Variants in RPS6KA2 observed in about 807,000 individuals in gnomAD.
RPS6KA2 encodes the protein ribosomal protein S6 kinase A2.
A neutral mutation model predicts 91.8 loss-of-function variants in RPS6KA2; 42 were observed. The ratio of observed to expected loss-of-function variants is 0.46; its 90% CI spans 0.36 to 0.59. The LOEUF (loss-of-function observed/expected upper bound fraction) is 0.59. Ranked by LOEUF, RPS6KA2 falls within the 20% of genes least tolerant of loss-of-function variation. The pLI, the probability that RPS6KA2 is intolerant of heterozygous loss-of-function variation, is 0.00. For missense variants in RPS6KA2, 798 were observed against 978.5 expected (o/e 0.82, Z 2.46); for synonymous variants, 414 against 393.6 (o/e 1.05, Z -0.61).
At chr6:166,632,270 C>A (rs182715487) in intron 2 of RPS6KA2, among the ~76,000 whole-genome samples, 3 of 152,262 alleles carry the variant, frequency 2.0e-5, no homozygotes, top group African/African-American at 7.2e-5. Flanking sequence ...TTGTGGGAAC[C>A]CTTACATGAG....
intron 3 of RPS6KA2, among the ~76,000 whole-genome samples, chr6:166,512,660 G>A (rs573634992): frequency 5.3e-5 from 8 of 152,286 alleles, no homozygotes; most frequent in East Asian, 1.9e-4. Flanking sequence ...TGACCGTGGT[G>A]TATGGCCCTG....
At chr6:166,583,659 G>A (rs544078336) in intron 1 of RPS6KA2, among the ~76,000 whole-genome samples, 2 of 152,184 alleles carry the variant, frequency 1.3e-5, no homozygotes, top group Non-Finnish European at 2.9e-5. Flanking sequence ...ATTCCTGAGT[G>A]CTTATTAAAG....
intron 5 of RPS6KA2, among the ~76,000 whole-genome samples, chr6:166,506,105 C>T (rs970138461): frequency 2.0e-5 from 3 of 151,800 alleles, no homozygotes; most frequent in South Asian, 2.1e-4. Context: ...TGCTAAATGA[C>T]GACCCAAGGT....
In RPS6KA2 at chr6:166,538,653, CA is replaced by C. The variant is rs780467202; in HGVS notation, c.216+14del. On this transcript the variant is annotated intron_variant, in intron 2 of 20. Transcript: ENST00000265678. ...TCAGGAATGAGACTCAAGAGACAGC[CA>C]GGGCTGAACTTACCTTTCCATAGGA... 1 of 1,412,370 alleles carries C rather than the reference CA, an allele frequency of 7.1e-7. No homozygotes were observed. The highest frequency in any genetic ancestry group is 1.2e-5 in the South Asian group (1 of 86,426). 87.5% of individuals were successfully genotyped at this position (1,412,370 alleles called of 1,614,324 possible).
chr6:166,461,037 C>T (rs963568258), intron 11 of RPS6KA2, among the ~76,000 whole-genome samples: 3 of 152,006 alleles, frequency 2.0e-5, no homozygotes, highest in African/African-American at 7.2e-5. Context: ...AAACCAGGGC[C>T]CACAGCTACT....
At chr6:166,645,893 C>T (rs1261387197) in intron 2 of RPS6KA2, among the ~76,000 whole-genome samples, 1 of 152,232 alleles carries the variant, frequency 6.6e-6, no homozygotes, top group Non-Finnish European at 1.5e-5. Flanking sequence ...TCTGGAGAAA[C>T]TTGTCAGAAG....
chr6:166,454,864 GA>G (rs1348251297), intron 12 of RPS6KA2, among the ~76,000 whole-genome samples: 1 of 149,704 alleles, frequency 6.7e-6, no homozygotes, highest in Admixed American at 6.7e-5. Context: ...TTTAAAAACA[GA>G]ATAGGATAAT....
At chr6:166,617,823 C>G (rs914195524) in intron 1 of RPS6KA2, among the ~76,000 whole-genome samples, 2 of 152,282 alleles carry the variant, frequency 1.3e-5, no homozygotes, top group Non-Finnish European at 2.9e-5. Context: ...ACAGCCACAG[C>G]TGTCTGTGGC....
intron 1 of RPS6KA2, among the ~76,000 whole-genome samples, chr6:166,587,604 G>A (rs1562325894): frequency 1.3e-5 from 2 of 149,580 alleles, no homozygotes; most frequent in South Asian, 2.1e-4. Context: ...TTTCTTGAAC[G>A]AGTCTGCCCT....
intron 2 of RPS6KA2, among the ~76,000 whole-genome samples, chr6:166,826,948 G>T (rs1780061443): frequency 6.6e-6 from 1 of 152,156 alleles, no homozygotes; most frequent in African/African-American, 2.4e-5. Context: ...CTCTAGAAAG[G>T]TCAGGGTTGA....
rs904709818 is a variant in RPS6KA2, at chr6:166,841,766, C to T, written c.123+16434G>A. 1.5e-4 allele frequency among the ~76,000 whole-genome samples: 23 copies of T among 152,298 alleles called. No individual in the cohort carries two copies. In the Middle Eastern group the frequency reaches 0.01, roughly 68 times the overall value. On this transcript the variant is annotated intron_variant, in intron 2 of 21. Transcript: ENST00000503859. Reference sequence around the variant, plus strand: ...ATTCCTCCCTTTTGACATGGTATGACGGTAACACCCCGTGACCACTCTCTA... The same window carrying T: ...ATTCCTCCCTTTTGACATGGTATGATGGTAACACCCCGTGACCACTCTCTA...
At chr6:166,561,421 TC>T (rs1391718836) in intron 1 of RPS6KA2, among the ~76,000 whole-genome samples, 1 of 151,890 alleles carries the variant, frequency 6.6e-6, no homozygotes, top group African/African-American at 2.4e-5. Context: ...GCCAATGGGT[TC>T]CCTCCCTCCT....
intron 2 of RPS6KA2, among the ~76,000 whole-genome samples, chr6:166,708,613 C>A (rs1343392512): frequency 6.6e-6 from 1 of 152,228 alleles, no homozygotes; most frequent in African/African-American, 2.4e-5. Context: ...CATTCCAAGA[C>A]GTTTCGCAGG....
intron 11 of RPS6KA2, chr6:166,460,735 C>T (rs10946166): frequency 0.16 from 24,214 of 152,244 alleles, 2,111 homozygotes; most frequent in African/African-American, 0.21. Flanking sequence ...AGGGTCCCCA[C>T]GGTGTTCGCA....
intron 2 of RPS6KA2, among the ~76,000 whole-genome samples, chr6:166,851,636 A>G (rs533729052): frequency 9.9e-4 from 151 of 152,302 alleles, no homozygotes; most frequent in African/African-American, 3.3e-3. Flanking sequence ...CACGGGACAC[A>G]GTCTCCAGCC....
rs1562351325 is a variant in RPS6KA2 at position 166,626,939 on chromosome 6, G to A, written c.81C>T (p.Ser27=). 3.2e-6 allele frequency: 5 copies of A among 1,550,130 alleles called. No homozygotes were observed. The highest frequency in any genetic ancestry group is 1.8e-4 in the Middle Eastern group (1 of 5,452). Residue 27 remains serine, a synonymous_variant, in exon 1 of 21, where the codon TCC becomes TCT. Coordinates refer to ENST00000265678, the MANE Select transcript of RPS6KA2 (RefSeq NM_021135.6). The surrounding 1 kb of genome is among the most constrained non-coding windows in gnomAD (Gnocchi z 4.1). The part of the protein sequence containing the change: ...YLRRKSRSKS[S]SLSRLEEEGV... ...GCATTACCTCGAGCCGGCTCAGGCT[G>A]GAGCTCTTGGAGCGCGACTTCCTGC...
At chr6:166,673,340 C>CG (rs1788530346) in intron 2 of RPS6KA2, among the ~76,000 whole-genome samples, 1 of 152,124 alleles carries the variant, frequency 6.6e-6, no homozygotes, top group African/African-American at 2.4e-5. Flanking sequence ...GTCTTGTCCC[C>CG]CCAGAGCTGT....
chr6:166,791,770 G>A lies in RPS6KA2; in HGVS notation c.123+66430C>T, dbSNP rs1344650187. On this transcript the variant is annotated intron_variant, in intron 2 of 21. Transcript: ENST00000503859. ...CAACGTGCTCTTGAATGACCACTGG[G>A]TACATAACGAAATGAAGGCAGAAAT... 2.0e-5 allele frequency among the ~76,000 whole-genome samples: 3 copies of A among 151,448 alleles called. No homozygotes were observed. The East Asian group carries it at 5.8e-4, about 29-fold the overall frequency.
rs539350898 is a variant in RPS6KA2 at position 166,721,726 on chromosome 6, G to A, written c.123+136474C>T. Among the ~76,000 whole-genome samples the A allele has an allele frequency of 1.5e-4, 23 of 152,292 alleles. No individual in the cohort carries two copies. In the South Asian group the frequency reaches 2.5e-3, roughly 16 times the overall value. ...GGAGCATTTCACCCAGTGGGCGGGC[G>A]GCAGAGTTAGCAGAGCTGGACTTTA... On this transcript the variant is annotated intron_variant, in intron 2 of 21. Coordinates refer to the RPS6KA2 transcript ENST00000503859.
Sources: allele counts gnomAD v4.1 joint callset (sites outside exome capture counted in the v4.1 genomes callset), GRCh38; gene constraint gnomAD v4.1.1; non-coding constraint Gnocchi (gnomAD v3.1); transcripts MANE v1.5; gene names NCBI Gene and HGNC (gene_info 2026-07-23, HGNC 2026-07-21).